The following SP6 variants were observed in gnomAD, a reference collection of about 807,000 sequenced individuals.
The protein encoded by SP6 is transcription factor Sp6.
In SP6, 10 loss-of-function variants were observed where a neutral mutation model predicts 23.4. The observed-to-expected ratio is 0.43, with a 90% CI of 0.26 to 0.72. SP6 has a LOEUF of 0.72. Among genes scored for constraint, SP6 ranks in the 30% least tolerant of loss-of-function variants. The pLI is 0.23. For synonymous variants in SP6, 238 were observed against 238.7 expected (o/e 1.00, Z 0.03); for missense variants, 482 against 523.8 (o/e 0.92, Z 0.78).
chr17:47,857,442 A>G (rs1567963501), upstream of SP6, among the ~76,000 whole-genome samples: 1 of 152,216 alleles, frequency 6.6e-6, no homozygotes, highest in South Asian at 2.1e-4. Context: ...AATTCTTTCA[A>G]TCGGTTCCAT....
At chr17:47,872,706 G>A in the SP6 span, among the ~76,000 whole-genome samples, 1 of 152,222 alleles carries the variant, frequency 6.6e-6, no homozygotes, top group South Asian at 2.1e-4. Context: ...GGAGGGTGGG[G>A]TGCAGAGACC....
chr17:47,847,260 G>A lies in SP6; in HGVS notation c.*39C>T. 1 of 1,465,860 alleles carries A rather than the reference G, an allele frequency of 6.8e-7. No individual in the cohort carries two copies. The highest frequency in any genetic ancestry group is 1.4e-5 in the South Asian group (1 of 71,440). The allele number at this position is 1,465,860 out of a possible 1,614,324, so 90.8% of individuals were successfully genotyped here. A position where few individuals can be genotyped will look rare whatever the true frequency, so the allele number is the denominator to read the frequency against. On this transcript the variant is annotated 3_prime_UTR_variant, in exon 2 of 2. Transcript: ENST00000536300. ...TCAGACCTGGGGGCTCGCATCCAGTGCCCCCCGGGATACCCGCAGGGAGGC... is the reference window on the plus strand; with the variant it reads ...TCAGACCTGGGGGCTCGCATCCAGTACCCCCCGGGATACCCGCAGGGAGGC...
At chr17:47,873,602 T>C in the SP6 span, among the ~76,000 whole-genome samples, 111 of 152,286 alleles carry the variant, frequency 7.3e-4, no homozygotes, top group African/African-American at 2.6e-3. Context: ...TTTCTCTGAA[T>C]ATCAAGTGGC....
chr17:47,858,714 C>T (rs532767232), upstream of SP6, among the ~76,000 whole-genome samples: 1 of 147,124 alleles, frequency 6.8e-6, no homozygotes, highest in South Asian at 2.2e-4. Context: ...TATGCCACTT[C>T]TGTACCCACC....
rs774909227 is a variant in SP6, at chr17:47,848,234, C to G, written c.196G>C (p.Gly66Arg). ...PLGPEVDFSQ[G>R]YELPGASSRV... ...GAGGAGGCCCCTGGCAGCTCATAGC[C>G]CTGCGAGAAGTCCACCTCCGGGCCC... Residue 66 changes from glycine to arginine, a missense_variant, in exon 2 of 2, where the codon GGC becomes CGC. Gly to Arg is a moderately radical substitution (Grantham distance 125). Coordinates refer to ENST00000536300, the MANE Select transcript of SP6 (RefSeq NM_001258248.2). This position sits in a 1 kb window ranked among gnomAD's most constrained non-coding sequence, Gnocchi z 5.3. 6.2e-7 allele frequency: 1 copy of G among 1,611,968 alleles called. No individual in the cohort carries two copies. The highest frequency in any genetic ancestry group is 8.5e-7 in the Non-Finnish European group (1 of 1,179,174).
chr17:47,873,850 C>T, the SP6 span, among the ~76,000 whole-genome samples: 2 of 138,896 alleles, frequency 1.4e-5, no homozygotes, highest in African/African-American at 5.3e-5. Context: ...TTGCTTTCCT[C>T]CTCCTCCTCC....
upstream of SP6, among the ~76,000 whole-genome samples, chr17:47,856,057 C>T (rs62076141): frequency 0.31 from 46,430 of 152,080 alleles, 8,423 homozygotes; most frequent in Non-Finnish European, 0.41. Context: ...TCCATCCCCT[C>T]TTCCTGAGTT....
chr17:47,852,136 T>C (rs370851898), upstream of SP6, among the ~76,000 whole-genome samples: 29 of 152,342 alleles, frequency 1.9e-4, 1 homozygote, highest in Admixed American at 1.4e-3. Flanking sequence ...CATTCCTTTC[T>C]AATTCTCACC....
rs747821673 is a variant in SP6, at chr17:47,847,948, A to G, written c.482T>C (p.Leu161Pro). Residue 161 changes from leucine (L) to proline (P), a missense_variant, in exon 2 of 2, where the codon CTT (leucine) becomes CCT (proline). Transcript: ENST00000536300. ...GLGGYVGDHQLCAPPPHPHAH... is the reference protein window; with the variant it reads ...GLGGYVGDHQPCAPPPHPHAH... ...ATGCGGGTGGGGTGGCGGGGCACAA[A>G]GCTGGTGGTCTCCGACGTAGCCCCC... 6 of 1,571,350 alleles carry G rather than the reference A, an allele frequency of 3.8e-6. No homozygotes were observed. The East Asian group carries it at 7.0e-5, about 18-fold the overall frequency.
the SP6 span, among the ~76,000 whole-genome samples, chr17:47,874,562 C>T: frequency 4.5e-4 from 69 of 152,238 alleles, no homozygotes; most frequent in Middle Eastern, 3.4e-3. Flanking sequence ...AAAACAATTC[C>T]CTTCAGGAGG....
chr17:47,858,977 G>A (rs916940794), upstream of SP6, among the ~76,000 whole-genome samples: 8 of 151,854 alleles, frequency 5.3e-5, no homozygotes, highest in East Asian at 1.9e-4. Context: ...GTTTCACCAC[G>A]TTGACCAGTC....
At chr17:47,855,804 C>A (rs536582619), upstream of SP6, 4 of 152,418 alleles carry the variant, frequency 2.6e-5, no homozygotes, top group East Asian at 7.7e-4. Context: ...GCCTCAGAAG[C>A]TTTTAGGATA....
the SP6 span, among the ~76,000 whole-genome samples, chr17:47,865,577 GT>G: frequency 6.6e-6 from 1 of 152,194 alleles, no homozygotes; most frequent in Admixed American, 6.5e-5. Flanking sequence ...GCCCAGAGAA[GT>G]TAAGAGACTT....
At chr17:47,853,348 G>A (rs1481295900), upstream of SP6, among the ~76,000 whole-genome samples, 1 of 152,202 alleles carries the variant, frequency 6.6e-6, no homozygotes, top group Non-Finnish European at 1.5e-5. Context: ...ATCCTGGCCA[G>A]TTGGGTTTGT....
the SP6 span, among the ~76,000 whole-genome samples, chr17:47,867,902 A>G: frequency 1.3e-5 from 2 of 152,260 alleles, no homozygotes; most frequent in South Asian, 2.1e-4. Context: ...AAGCACAGCC[A>G]CACTGCCTGT....
chr17:47,867,391 G>A, the SP6 span, among the ~76,000 whole-genome samples: 13 of 152,070 alleles, frequency 8.5e-5, no homozygotes, highest in East Asian at 5.8e-4. Context: ...TCAATTCTTC[G>A]TGTCTATCTA....
the SP6 span, among the ~76,000 whole-genome samples, chr17:47,871,809 C>T: frequency 6.6e-6 from 1 of 152,006 alleles, no homozygotes; most frequent in Non-Finnish European, 1.5e-5. Context: ...TTAGTAGAGA[C>T]GGGGTTTCAC....
At chr17:47,864,964 G>T in the SP6 span, 1 of 152,268 alleles carries the variant, frequency 6.6e-6, no homozygotes, top group Non-Finnish European at 1.5e-5. Flanking sequence ...TCCTGGGGCA[G>T]TTGGCATCTG....
chr17:47,852,420 G>C (rs2033967449), upstream of SP6, among the ~76,000 whole-genome samples: 1 of 152,022 alleles, frequency 6.6e-6, no homozygotes, highest in South Asian at 2.1e-4. Flanking sequence ...CTCTCCATGT[G>C]ACCCCTTTTT....
Sources: allele counts gnomAD v4.1 joint callset (sites outside exome capture counted in the v4.1 genomes callset), GRCh38; gene constraint gnomAD v4.1.1; non-coding constraint Gnocchi (gnomAD v3.1); transcripts MANE v1.5; gene names NCBI Gene and HGNC (gene_info 2026-07-23, HGNC 2026-07-21).